TMEM117: variants seen among roughly 807,000 people sequenced by gnomAD.
The protein encoded by TMEM117 is transmembrane protein 117.
Under a neutral mutation model 52.4 loss-of-function variants are expected in TMEM117, and 27 were observed. The ratio of observed to expected loss-of-function variants is 0.51; its 90% CI spans 0.38 to 0.71. The LOEUF (loss-of-function observed/expected upper bound fraction) is 0.71, where lower values mean the gene tolerates loss of function less well. Ranked by LOEUF, TMEM117 falls within the 30% of genes least tolerant of loss-of-function variation. The pLI, the probability that TMEM117 is intolerant of heterozygous loss-of-function variation, is 0.00. For synonymous variants in TMEM117, 215 were observed against 206.3 expected, an observed-to-expected ratio of 1.04 and a Z score of -0.36; for missense variants, 556 against 630.5, an observed-to-expected ratio of 0.88 and a Z score of 1.26.
intron 5 of TMEM117, among the ~76,000 whole-genome samples, chr12:44,283,791 C>A (rs113383006): frequency 6.6e-6 from 1 of 151,958 alleles, no homozygotes; most frequent in African/African-American, 2.4e-5. Context: ...GAGCCACGGG[C>A]GGAATGATAT....
intron 2 of TMEM117, among the ~76,000 whole-genome samples, chr12:43,909,625 G>C (rs1405422533): frequency 2.0e-5 from 3 of 151,706 alleles, no homozygotes; most frequent in Non-Finnish European, 4.4e-5. Flanking sequence ...AAAAAAAGAA[G>C]AATCAAATAG....
At chr12:43,953,849 C>T (rs1285049422) in intron 3 of TMEM117, among the ~76,000 whole-genome samples, 2 of 152,156 alleles carry the variant, frequency 1.3e-5, no homozygotes, top group Non-Finnish European at 2.9e-5. Context: ...ACAGAATATA[C>T]ATTTTTGTTT....
intron 5 of TMEM117, among the ~76,000 whole-genome samples, chr12:44,224,470 A>AT (rs565645026): frequency 0.13 from 19,109 of 147,460 alleles, 3,491 homozygotes; most frequent in African/African-American, 0.41. Flanking sequence ...ATGAGTAATG[A>AT]TTTTTTTTTT....
At chr12:44,210,625 A>G (rs76668707) in intron 4 of TMEM117, among the ~76,000 whole-genome samples, 92 of 152,278 alleles carry the variant, frequency 6.0e-4, no homozygotes, top group African/African-American at 2.1e-3. Context: ...GTAGAAGGTG[A>G]TACATGACAT....
intron 5 of TMEM117, among the ~76,000 whole-genome samples, chr12:44,273,779 A>T (rs950247234): frequency 6.6e-6 from 1 of 152,136 alleles, no homozygotes; most frequent in African/African-American, 2.4e-5. Context: ...TTTATGATAA[A>T]AAATGGAATC....
intron 3 of TMEM117, among the ~76,000 whole-genome samples, chr12:44,017,821 T>G (rs951251939): frequency 3.9e-5 from 6 of 152,196 alleles, no homozygotes; most frequent in African/African-American, 1.4e-4. Context: ...AAACAGGTTC[T>G]TCAATGTGTG....
chr12:44,285,650 G>A (rs1210622010), intron 5 of TMEM117, among the ~76,000 whole-genome samples: 1 of 152,138 alleles, frequency 6.6e-6, no homozygotes, highest in Non-Finnish European at 1.5e-5. Flanking sequence ...TGGGCTTCAG[G>A]GTTCAGTAAA....
intron 3 of TMEM117, among the ~76,000 whole-genome samples, chr12:44,052,453 C>T (rs955208832): frequency 6.6e-6 from 1 of 152,164 alleles, no homozygotes; most frequent in Non-Finnish European, 1.5e-5. Flanking sequence ...GTGGCAGTCA[C>T]AGACAGCCCC....
At chr12:43,984,051 A>G (rs1945805417) in intron 3 of TMEM117, among the ~76,000 whole-genome samples, 1 of 152,102 alleles carries the variant, frequency 6.6e-6, no homozygotes. Context: ...TGAAACCAGA[A>G]TGGTCAGAAC....
At chr12:43,914,113 A>G (rs2137539874) in intron 2 of TMEM117, among the ~76,000 whole-genome samples, 1 of 152,244 alleles carries the variant, frequency 6.6e-6, no homozygotes, top group African/African-American at 2.4e-5. Flanking sequence ...AATCAATTAA[A>G]TGGAAACCGT....
intron 4 of TMEM117, among the ~76,000 whole-genome samples, chr12:44,158,200 C>T (rs1027718306): frequency 2.0e-5 from 3 of 152,144 alleles, no homozygotes; most frequent in Non-Finnish European, 2.9e-5. Context: ...TGACAATTAT[C>T]AGGACCTCTC....
intron 4 of TMEM117, among the ~76,000 whole-genome samples, chr12:44,164,060 A>G (rs1948932112): frequency 6.6e-6 from 1 of 152,116 alleles, no homozygotes; most frequent in Non-Finnish European, 1.5e-5. Context: ...TTGGGATTGG[A>G]CAAAGCTTTC....
intron 4 of TMEM117, among the ~76,000 whole-genome samples, chr12:44,189,149 C>T (rs1383604100): frequency 6.6e-6 from 1 of 152,080 alleles, no homozygotes; most frequent in Non-Finnish European, 1.5e-5. Context: ...ATCTGTCAAA[C>T]AATATGTCTT....
chr12:43,833,983 C>T (rs570327115), upstream of TMEM117, among the ~76,000 whole-genome samples: 3 of 152,196 alleles, frequency 2.0e-5, no homozygotes, highest in African/African-American at 7.2e-5. Context: ...GTCCCATCTA[C>T]TCTGGAGGCT....
intron 5 of TMEM117, among the ~76,000 whole-genome samples, chr12:44,273,232 T>G (rs184905029): frequency 0.085 from 12,676 of 149,956 alleles, 733 homozygotes; most frequent in African/African-American, 0.16. Context: ...GGGGTGGAGG[T>G]GGGGGGATAG....
chr12:44,343,425 C>T lies in TMEM117; in HGVS notation c.769-33170C>T, dbSNP rs1385494942. Reference sequence around the variant, plus strand: ...ACTTGCTTCCAGTTCTCCACACTCACCTGAAAAATTTACATCAAAAGTTAA... The same window carrying T: ...ACTTGCTTCCAGTTCTCCACACTCATCTGAAAAATTTACATCAAAAGTTAA... On this transcript the variant is annotated intron_variant, in intron 6 of 7. Coordinates refer to ENST00000266534, the MANE Select transcript of TMEM117 (RefSeq NM_032256.3). Among the ~76,000 whole-genome samples the T allele has an allele frequency of 3.3e-5, 5 of 152,188 alleles. 1 individual carries two copies. Among genetic ancestry groups the T allele is most frequent in the South Asian group, 4.1e-4 (2 of 4,820 alleles).
intron 6 of TMEM117, among the ~76,000 whole-genome samples, chr12:44,339,011 A>G (rs1443984220): frequency 1.3e-5 from 2 of 152,122 alleles, no homozygotes; most frequent in East Asian, 3.9e-4. Context: ...CCACTGCCCA[A>G]CTATTGGCTC....
intron 2 of TMEM117, among the ~76,000 whole-genome samples, chr12:43,867,595 A>G (rs1943625386): frequency 6.6e-6 from 1 of 152,238 alleles, no homozygotes; most frequent in African/African-American, 2.4e-5. Context: ...TGTATTTTAA[A>G]TATAACAACA....
chr12:44,254,666 T>A (rs529343096), intron 5 of TMEM117, among the ~76,000 whole-genome samples: 101 of 151,720 alleles, frequency 6.7e-4, no homozygotes, highest in African/African-American at 1.9e-3. Flanking sequence ...ATATATATAT[T>A]TTTTATTATA....
Sources: allele counts gnomAD v4.1 joint callset (sites outside exome capture counted in the v4.1 genomes callset), GRCh38; gene constraint gnomAD v4.1.1; transcripts MANE v1.5; gene names NCBI Gene and HGNC (gene_info 2026-07-23, HGNC 2026-07-21).